Variants in WDR49 observed in about 807,000 individuals in gnomAD.
The protein encoded by WDR49 is WD repeat domain 49, also known as cilia- and flagella-associated protein 337.
WDR49 carries 107 observed loss-of-function variants against 119.5 expected under a neutral mutation model. The ratio of observed to expected loss-of-function variants is 0.90; its 90% confidence interval spans 0.77 to 1.05. The LOEUF is 1.05. WDR49 is among the 50% of genes least tolerant of loss of function. The pLI is 0.00. For synonymous variants in WDR49, 425 were observed against 418.8 expected, an observed-to-expected ratio of 1.01 and a Z score of -0.18; for missense variants, 1,240 against 1,220.5, an observed-to-expected ratio of 1.02 and a Z score of -0.24.
At chr3:167,536,730 TATAC>T (rs1334273709) in intron 11 of WDR49, 136 bp downstream of exon 11, 57 of 210,806 alleles carry the variant, frequency 2.7e-4, no homozygotes, top group South Asian at 7.0e-4. Context: ...TATATATATA[TATAC>T]ACACACACAC....
At chr3:167,515,308 C>A (rs909108458) in intron 16 of WDR49, among the ~76,000 whole-genome samples, 2 of 152,170 alleles carry the variant, frequency 1.3e-5, no homozygotes, top group African/African-American at 2.4e-5. Context: ...TTGGCTTCAT[C>A]CCCAGGATTC....
intron 17 of WDR49, among the ~76,000 whole-genome samples, chr3:167,503,238 G>C (rs546710587): frequency 7.9e-5 from 12 of 152,316 alleles, no homozygotes; most frequent in African/African-American, 2.6e-4. Context: ...ATCTCACCTC[G>C]ATTTCAGAGG....
intron 7 of WDR49, among the ~76,000 whole-genome samples, chr3:167,576,579 G>C: frequency 6.6e-6 from 1 of 152,154 alleles, no homozygotes; most frequent in East Asian, 1.9e-4. Flanking sequence ...CCAATCATAA[G>C]GGTCTTTAAA....
intron 2 of WDR49, among the ~76,000 whole-genome samples, chr3:167,650,088 A>C (rs988672853): frequency 1.3e-5 from 2 of 152,084 alleles, no homozygotes; most frequent in African/African-American, 4.8e-5. Context: ...AAAAAGAAAC[A>C]CTCAGAACCT....
intron 5 of WDR49, among the ~76,000 whole-genome samples, chr3:167,616,843 A>G (rs1716619039): frequency 6.6e-6 from 1 of 152,196 alleles, no homozygotes; most frequent in South Asian, 2.1e-4. Flanking sequence ...AATCTTATAA[A>G]ACATTGTATT....
intron 2 of WDR49, among the ~76,000 whole-genome samples, chr3:167,650,617 C>T (rs1718331064): frequency 6.6e-6 from 1 of 152,186 alleles, no homozygotes; most frequent in Admixed American, 6.5e-5. Flanking sequence ...GCAGCTCTAA[C>T]CACTTCCTTC....
At chr3:167,640,478 C>G (rs939071269) in intron 2 of WDR49, among the ~76,000 whole-genome samples, 5 of 151,918 alleles carry the variant, frequency 3.3e-5, no homozygotes, top group Non-Finnish European at 7.4e-5. Flanking sequence ...CTGTTGCAAT[C>G]CAGCAGTTCC....
chr3:167,573,431 A>AC (rs1714055984), intron 8 of WDR49, among the ~76,000 whole-genome samples: 7 of 128,672 alleles, frequency 5.4e-5, no homozygotes, highest in African/African-American at 1.2e-4. Flanking sequence ...CACACACACA[A>AC]CACAAATAGA....
At chr3:167,566,118 G>A (rs1713582393) in intron 8 of WDR49, among the ~76,000 whole-genome samples, 1 of 152,184 alleles carries the variant, frequency 6.6e-6, no homozygotes, top group South Asian at 2.1e-4. Context: ...GATGATGAAA[G>A]AGGCTGAGGA....
chr3:167,650,650 G>A (rs796780512), intron 2 of WDR49, among the ~76,000 whole-genome samples: 5 of 152,292 alleles, frequency 3.3e-5, no homozygotes, highest in South Asian at 2.1e-4. Context: ...GAATGAAGAC[G>A]CATAGCAGCA....
chr3:167,534,932 A>G (rs1341637858), intron 11 of WDR49, among the ~76,000 whole-genome samples: 2 of 152,202 alleles, frequency 1.3e-5, no homozygotes, highest in Non-Finnish European at 2.9e-5. Flanking sequence ...CCAACGTGTG[A>G]TTCGTACCTG....
At chr3:167,604,272 T>G (rs1715926660) in intron 6 of WDR49, 29 bp downstream of exon 6, 2 of 1,610,718 alleles carry the variant, frequency 1.2e-6, no homozygotes, top group African/African-American at 2.7e-5. Context: ...TATGAGGCCC[T>G]CATAGTTATC....
Position 167,522,490 on chromosome 3 carries a change from A to T in WDR49, c.2605-6T>A. On this transcript the variant is annotated splice_polypyrimidine_tract_variant and splice_region_variant and intron_variant, in intron 15 of 18. Coordinates refer to ENST00000682715, the MANE Select transcript of WDR49 (RefSeq NM_001366157.1). ...TCAATATGCCAGTGCTTTGCCTGAAAAAAACGAAAACATCTGTTTTATTTT... is the reference window on the plus strand; with the variant it reads ...TCAATATGCCAGTGCTTTGCCTGAATAAAACGAAAACATCTGTTTTATTTT... The T allele has an allele frequency of 6.3e-7, 1 of 1,584,762 alleles. No individual in the cohort carries two copies. The highest frequency in any genetic ancestry group is 8.5e-7 in the Non-Finnish European group (1 of 1,173,358).
At chr3:167,590,600 GT>G (rs946918848) in intron 7 of WDR49, among the ~76,000 whole-genome samples, 1 of 151,918 alleles carries the variant, frequency 6.6e-6, no homozygotes, top group African/African-American at 2.4e-5. Context: ...GTCTGTTCAG[GT>G]TTTGAAAATT....
chr3:167,626,492 A>G (rs1037632108), intron 3 of WDR49, among the ~76,000 whole-genome samples: 2 of 152,064 alleles, frequency 1.3e-5, no homozygotes, highest in Non-Finnish European at 2.9e-5. Flanking sequence ...ACTGACTAGC[A>G]CAGTGATCAA....
rs1491006642 is a variant in WDR49 at position 167,605,127 on chromosome 3, CAT to C, written c.959-661_959-660del. ...ATACACACACACACACACACACACACATACACAGGTATTTATACATTTCCAAA... is the reference window on the plus strand; with the variant it reads ...ATACACACACACACACACACACACACACACAGGTATTTATACATTTCCAAA... On this transcript the variant is annotated intron_variant, in intron 5 of 18. Transcript: ENST00000682715. 2.3e-3 allele frequency among the ~76,000 whole-genome samples: 333 copies of C among 144,814 alleles called. 1 individual carries two copies. The highest frequency in any genetic ancestry group is 7.9e-3 in the African/African-American group (295 of 37,476).
intron 10 of WDR49, among the ~76,000 whole-genome samples, chr3:167,539,197 C>CA (rs1271881603): frequency 1.3e-5 from 2 of 151,842 alleles, no homozygotes; most frequent in African/African-American, 4.8e-5. Flanking sequence ...GCCTGAATTT[C>CA]AAAAAAAGAA....
At chr3:167,653,591 G>C in intron 1 of WDR49, 92 bp from the exon 2 acceptor site, 1 of 753,584 alleles carries the variant, frequency 1.3e-6, no homozygotes, top group Non-Finnish European at 2.0e-6. Flanking sequence ...TGTTCAAGCT[G>C]AGGTAGGAAA....
chr3:167,630,723 A>G (rs1717331269), intron 2 of WDR49, among the ~76,000 whole-genome samples: 1 of 152,160 alleles, frequency 6.6e-6, no homozygotes, highest in African/African-American at 2.4e-5. Context: ...ATTAGCAGAT[A>G]CTGAACCATT....
Sources: allele counts gnomAD v4.1 joint callset (sites outside exome capture counted in the v4.1 genomes callset), GRCh38; gene constraint gnomAD v4.1.1; transcripts MANE v1.5; gene names NCBI Gene and HGNC (gene_info 2026-07-23, HGNC 2026-07-21).